The following DACH2 variants were observed in gnomAD, a reference collection of about 807,000 sequenced individuals.
DACH2 encodes the protein dachshund homolog 2.
In DACH2, 17 loss-of-function variants were observed where a neutral mutation model predicts 35.8. The ratio of observed to expected loss-of-function variants is 0.48; its 90% CI spans 0.33 to 0.71. DACH2 has a LOEUF of 0.71. Ranked by LOEUF, DACH2 falls within the 30% of genes least tolerant of loss-of-function variation. DACH2 has a pLI of 0.02. For missense variants in DACH2, 469 were observed against 472.7 expected (o/e 0.99, Z 0.07); for synonymous variants, 195 against 177.3 (o/e 1.10, Z -0.79).
intron 1 of DACH2, among the ~76,000 whole-genome samples, chrX:86,206,559 A>G (rs931963955): frequency 8.9e-6 from 1 of 112,454 alleles, no homozygotes; most frequent in African/African-American, 3.2e-5. Flanking sequence ...GGAAGGCGTC[A>G]TGATACAATA....
intron 2 of DACH2, among the ~76,000 whole-genome samples, chrX:86,456,041 G>A (rs750426534): frequency 2.2e-3 from 249 of 112,269 alleles, no homozygotes; most frequent in Middle Eastern, 9.2e-3. Context: ...TTCCCTGGCA[G>A]GGTAGCACAA....
chrX:86,806,771 A>G (rs1249133044), intron 7 of DACH2, among the ~76,000 whole-genome samples: 14 of 112,080 alleles, frequency 1.2e-4, no homozygotes, highest in Admixed American at 4.7e-4. Context: ...AGATTTTCCA[A>G]TAAGGGATCC....
intron 1 of DACH2, among the ~76,000 whole-genome samples, chrX:86,360,641 TC>T (rs773147924): frequency 9.0e-6 from 1 of 111,075 alleles, no homozygotes; most frequent in African/African-American, 3.3e-5. Flanking sequence ...TAATGTACAT[TC>T]CTTTTTGATT....
At chrX:86,323,594 C>G (rs1347474900) in intron 1 of DACH2, among the ~76,000 whole-genome samples, 1 of 111,852 alleles carries the variant, frequency 8.9e-6, no homozygotes, top group Non-Finnish European at 1.9e-5. Flanking sequence ...AATAGGAAAG[C>G]TTGGAGATCC....
At chrX:86,781,581 A>C (rs1393234171) in intron 7 of DACH2, among the ~76,000 whole-genome samples, 2 of 111,605 alleles carry the variant, frequency 1.8e-5, no homozygotes, top group Non-Finnish European at 3.8e-5. Context: ...TAGAAACCCC[A>C]AAACCAATGA....
At chrX:86,422,237 AG>A (rs2148159165) in intron 2 of DACH2, among the ~76,000 whole-genome samples, 1 of 111,324 alleles carries the variant, frequency 9.0e-6, no homozygotes, top group South Asian at 3.7e-4. Context: ...AGGGAAAAAA[AG>A]GTGCAGATCC....
At chrX:86,591,966 C>T (rs1285145007) in intron 3 of DACH2, among the ~76,000 whole-genome samples, 1 of 111,596 alleles carries the variant, frequency 9.0e-6, no homozygotes, top group Non-Finnish European at 1.9e-5. Flanking sequence ...TGTGGCTTGT[C>T]TTTCCATTCT....
intron 6 of DACH2, among the ~76,000 whole-genome samples, chrX:86,731,166 A>T (rs2041528879): frequency 9.0e-6 from 1 of 111,428 alleles, no homozygotes; most frequent in South Asian, 3.8e-4. Flanking sequence ...TTTTTGGGCC[A>T]GCATCCAGTG....
At chrX:86,637,246 A>AAAAAAAG (rs2040282352) in intron 3 of DACH2, among the ~76,000 whole-genome samples, 1 of 81,849 alleles carries the variant, frequency 1.2e-5, no homozygotes, top group African/African-American at 4.9e-5. Flanking sequence ...AAAAAAAAAA[A>AAAAAAAG]CAGATGCTGG....
At chrX:86,158,510 T>C (rs1020453774) in intron 1 of DACH2, among the ~76,000 whole-genome samples, 2 of 105,293 alleles carry the variant, frequency 1.9e-5, no homozygotes, top group Non-Finnish European at 3.9e-5. Context: ...AGATTTGTTA[T>C]GATAGCCTGT....
At chrX:86,765,389 A>G (rs1312345420) in intron 7 of DACH2, among the ~76,000 whole-genome samples, 1 of 111,455 alleles carries the variant, frequency 9.0e-6, no homozygotes. Flanking sequence ...TTTTTAATCC[A>G]TATTGTGTTA....
intron 2 of DACH2, among the ~76,000 whole-genome samples, chrX:86,417,990 G>A (rs2036737861): frequency 1.8e-5 from 2 of 111,102 alleles, no homozygotes; most frequent in Admixed American, 1.9e-4. Flanking sequence ...CAAAACAAAG[G>A]GACTCTAGGC....
intron 3 of DACH2, among the ~76,000 whole-genome samples, chrX:86,614,500 A>G (rs2039982482): frequency 8.9e-6 from 1 of 111,975 alleles, no homozygotes; most frequent in South Asian, 3.6e-4. Context: ...TCTGAAGAGG[A>G]GATGTTATCC....
chrX:86,582,421 A>G (rs912739384), intron 3 of DACH2, among the ~76,000 whole-genome samples: 11 of 111,393 alleles, frequency 9.9e-5, no homozygotes, highest in African/African-American at 1.6e-4. Context: ...TGAATTCAGG[A>G]GTTTATTTTT....
chrX:86,502,815 C>T (rs189473600), intron 2 of DACH2, among the ~76,000 whole-genome samples: 243 of 111,908 alleles, frequency 2.2e-3, no homozygotes, highest in African/African-American at 7.3e-3. Flanking sequence ...AGAACAGCTT[C>T]GAATGTGATC....
In DACH2 at chrX:86,434,723, C is replaced by T. The variant is rs188163955; in HGVS notation, c.527+57861C>T. On this transcript the variant is annotated intron_variant, in intron 2 of 11. Coordinates refer to ENST00000373125, the MANE Select transcript of DACH2 (RefSeq NM_053281.3). ...TTCAAACAGACTGTATTAGTCCATT[C>T]TTGCATTGCTATAAAGAAATACCAG... Among the ~76,000 whole-genome samples, 136 of 111,399 alleles carry T rather than the reference C, an allele frequency of 1.2e-3. 1 individual carries two copies. The highest frequency in any genetic ancestry group is 2.4e-4 in the Non-Finnish European group (13 of 53,139).
chrX:86,469,929 A>T (rs996787279), intron 2 of DACH2, among the ~76,000 whole-genome samples: 1 of 109,829 alleles, frequency 9.1e-6, no homozygotes, highest in East Asian at 2.9e-4. Flanking sequence ...ATATTTTTTT[A>T]ATTCAATAAA....
intron 3 of DACH2, among the ~76,000 whole-genome samples, chrX:86,544,280 G>A (rs1263125443): frequency 9.0e-6 from 1 of 110,646 alleles, no homozygotes; most frequent in Non-Finnish European, 1.9e-5. Flanking sequence ...TCAAATTCAG[G>A]AAATTGAGAG....
intron 1 of DACH2, among the ~76,000 whole-genome samples, chrX:86,164,655 T>C (rs1176671879): frequency 8.9e-6 from 1 of 111,739 alleles, no homozygotes; most frequent in Non-Finnish European, 1.9e-5. Flanking sequence ...TGCATATGTC[T>C]AGCCAGTTAT....
Sources: allele counts gnomAD v4.1 joint callset (sites outside exome capture counted in the v4.1 genomes callset), GRCh38; gene constraint gnomAD v4.1.1; transcripts MANE v1.5; gene names NCBI Gene and HGNC (gene_info 2026-07-23, HGNC 2026-07-21).